PLCL1: variants seen among roughly 807,000 people sequenced by gnomAD.
PLCL1 encodes phospholipase C like 1 (inactive), also known as inactive phospholipase C-like protein 1.
In PLCL1, 41 loss-of-function variants were observed where a neutral mutation model predicts 84.4. That is an observed-to-expected ratio of 0.49 (90% CI 0.38 to 0.63). The LOEUF is 0.63. Ranked by LOEUF, PLCL1 falls within the 30% of genes least tolerant of loss-of-function variation. PLCL1 has a pLI of 0.00. For missense variants in PLCL1, 1,206 were observed against 1,367.8 expected, an observed-to-expected ratio of 0.88 and a Z score of 1.87; for synonymous variants, 490 against 488.3, an observed-to-expected ratio of 1.00 and a Z score of -0.05.
In PLCL1 at chr2:198,001,688, A is replaced by G. The variant is rs368398540; in HGVS notation, c.241-82070A>G. The stretch of plus-strand genomic sequence containing the variant: ...AGAGCAGGGGTTCCCAAACCCCGGT[A>G]CGGTCTGTGGCTTGTTAGGAATCAG... On this transcript the variant is annotated intron_variant, in intron 1 of 5. Transcript: ENST00000428675. 9.9e-5 allele frequency among the ~76,000 whole-genome samples: 15 copies of G among 152,158 alleles called. 1 individual carries two copies. Among genetic ancestry groups the G allele is most frequent in the African/African-American group, 3.6e-4 (15 of 41,488 alleles).
In PLCL1 at chr2:198,084,040, T is replaced by C. The variant is rs755400665; in HGVS notation, c.523T>C (p.Phe175Leu). 1.2e-6 allele frequency: 2 copies of C among 1,614,162 alleles called. No individual in the cohort carries two copies. Among genetic ancestry groups the C allele is most frequent in the South Asian group, 2.2e-5 (2 of 91,090 alleles). Residue 175 changes from phenylalanine (F) to leucine (L), a missense_variant, in exon 2 of 6, where the codon TTT (phenylalanine) becomes CTT (leucine). Coordinates refer to ENST00000428675, the MANE Select transcript of PLCL1 (RefSeq NM_006226.4). The part of the protein sequence containing the change: ...EIRLGKNTET[F>L]RNNGLADQIC... The stretch of plus-strand genomic sequence containing the variant: ...CAGACTGGGGAAAAACACGGAAACA[T>C]TTAGAAACAATGGCCTTGCTGACCA...
At chr2:197,839,059 A>G (rs1201682144) in intron 1 of PLCL1, among the ~76,000 whole-genome samples, 4 of 152,224 alleles carry the variant, frequency 2.6e-5, no homozygotes, top group Non-Finnish European at 4.4e-5. Flanking sequence ...GCCGTTGTCA[A>G]CTTTTACAAA....
intron 1 of PLCL1, among the ~76,000 whole-genome samples, chr2:197,892,250 G>A (rs1287931599): frequency 6.6e-6 from 1 of 152,128 alleles, no homozygotes; most frequent in Non-Finnish European, 1.5e-5. Flanking sequence ...GGGAATAGGT[G>A]GAGAGAAAGG....
chr2:197,976,936 C>G (rs1378061842), intron 1 of PLCL1, among the ~76,000 whole-genome samples: 1 of 152,190 alleles, frequency 6.6e-6, no homozygotes, highest in African/African-American at 2.4e-5. Context: ...CTTCTTGCCT[C>G]ATCCATTGCC....
chr2:197,949,632 G>A (rs1689350002), intron 1 of PLCL1, among the ~76,000 whole-genome samples: 1 of 152,140 alleles, frequency 6.6e-6, no homozygotes, highest in Admixed American at 6.6e-5. Context: ...ATAACAAGGG[G>A]AATTCATTGT....
chr2:198,105,049 T>C (rs921609232), intron 5 of PLCL1, among the ~76,000 whole-genome samples: 4 of 152,090 alleles, frequency 2.6e-5, no homozygotes, highest in African/African-American at 9.7e-5. Flanking sequence ...TTTTTGTTTT[T>C]ATTGTAATTG....
intron 1 of PLCL1, among the ~76,000 whole-genome samples, chr2:198,031,387 T>C (rs1367933955): frequency 1.3e-5 from 2 of 151,896 alleles, no homozygotes; most frequent in African/African-American, 4.8e-5. Flanking sequence ...ATATATAATA[T>C]ATAATGTTTT....
intron 1 of PLCL1, among the ~76,000 whole-genome samples, chr2:197,898,919 G>A (rs370182845): frequency 6.6e-6 from 1 of 151,928 alleles, no homozygotes; most frequent in South Asian, 2.1e-4. Context: ...AGTACCTGCC[G>A]TTCGATAAAG....
At chr2:197,888,151 T>C (rs971993476) in intron 1 of PLCL1, among the ~76,000 whole-genome samples, 6 of 152,176 alleles carry the variant, frequency 3.9e-5, no homozygotes, top group Non-Finnish European at 5.9e-5. Context: ...TTGAGCATTT[T>C]CCCCCCAAGT....
chr2:198,032,488 G>A (rs2105850645), intron 1 of PLCL1, among the ~76,000 whole-genome samples: 1 of 152,314 alleles, frequency 6.6e-6, no homozygotes, highest in South Asian at 2.1e-4. Context: ...CAAATACCCA[G>A]ATAACTTTGC....
chr2:198,098,823 G>A (rs942729612), intron 3 of PLCL1, among the ~76,000 whole-genome samples: 1 of 152,036 alleles, frequency 6.6e-6, no homozygotes, highest in African/African-American at 2.4e-5. Flanking sequence ...CACAAAAGCT[G>A]GACAATTTAA....
intron 1 of PLCL1, among the ~76,000 whole-genome samples, chr2:198,018,421 C>A (rs569451456): frequency 5.3e-5 from 8 of 152,280 alleles, no homozygotes; most frequent in Admixed American, 1.3e-4. Flanking sequence ...AGCCAGGGAG[C>A]CAAGTGGTCT....
At chr2:197,822,146 T>G (rs1005360622) in intron 1 of PLCL1, among the ~76,000 whole-genome samples, 6 of 152,152 alleles carry the variant, frequency 3.9e-5, no homozygotes, top group African/African-American at 1.4e-4. Context: ...GTAACTGTTG[T>G]GTGCCACATG....
At chr2:198,109,779 G>A (rs779169767) in intron 5 of PLCL1, among the ~76,000 whole-genome samples, 2 of 151,828 alleles carry the variant, frequency 1.3e-5, no homozygotes, top group Admixed American at 6.6e-5. Context: ...CCCAAGGGGA[G>A]CATTTTAGTG....
rs1687001018 is a variant in PLCL1 at position 197,841,422 on chromosome 2, T to C, written c.240+36083T>C. 2.0e-5 allele frequency among the ~76,000 whole-genome samples: 3 copies of C among 152,306 alleles called. No homozygotes were observed. In the Middle Eastern group the frequency reaches 0.01, roughly 518 times the overall value. On this transcript the variant is annotated intron_variant, in intron 1 of 5. Coordinates refer to ENST00000428675, the MANE Select transcript of PLCL1 (RefSeq NM_006226.4). The stretch of plus-strand genomic sequence containing the variant: ...ACCACTAGTCTTTTCACTGTTTCCA[T>C]AGTTTTGCCTTTTTCAGAATGTCAT...
At chr2:198,119,385 T>G (rs1283103174) in intron 5 of PLCL1, among the ~76,000 whole-genome samples, 3 of 151,990 alleles carry the variant, frequency 2.0e-5, no homozygotes, top group Non-Finnish European at 4.4e-5. Context: ...GTTCTTGACC[T>G]GGATAGAAGG....
At chr2:198,128,756 G>T (rs1694051598) in intron 5 of PLCL1, among the ~76,000 whole-genome samples, 1 of 152,098 alleles carries the variant, frequency 6.6e-6, no homozygotes, top group Non-Finnish European at 1.5e-5. Flanking sequence ...TTTAGGAAAG[G>T]GATGTTATTG....
At chr2:198,119,804 G>A (rs1483275728) in intron 5 of PLCL1, among the ~76,000 whole-genome samples, 1 of 151,978 alleles carries the variant, frequency 6.6e-6, no homozygotes, top group African/African-American at 2.4e-5. Flanking sequence ...CCTTCAGGGT[G>A]GGGACTGTGT....
intron 1 of PLCL1, among the ~76,000 whole-genome samples, chr2:197,823,315 C>T (rs1327438176): frequency 1.3e-5 from 2 of 151,912 alleles, no homozygotes; most frequent in Non-Finnish European, 2.9e-5. Flanking sequence ...ATTAAAAGGC[C>T]CTAGAATTGG....
Sources: allele counts gnomAD v4.1 joint callset (sites outside exome capture counted in the v4.1 genomes callset), GRCh38; gene constraint gnomAD v4.1.1; transcripts MANE v1.5; gene names NCBI Gene and HGNC (gene_info 2026-07-23, HGNC 2026-07-21).